Variants in ZBBX observed in about 807,000 individuals in gnomAD.
The protein encoded by ZBBX is zinc finger B-box domain containing, also known as zinc finger B-box domain-containing protein 1.
ZBBX carries 101 observed loss-of-function variants against 108.5 expected under a neutral mutation model. That is an observed-to-expected ratio of 0.93 (90% CI 0.79 to 1.10). ZBBX has a LOEUF of 1.10. Ranked by LOEUF, ZBBX falls within the 50% of genes least tolerant of loss-of-function variation. The pLI is 0.00. For synonymous variants in ZBBX, 356 were observed against 323.4 expected (o/e 1.10, Z -1.08); for missense variants, 1,009 against 941.4 (o/e 1.07, Z -0.94).
chr3:167,315,844 G>T lies in ZBBX; in HGVS notation c.1195-15C>A. On this transcript the variant is annotated splice_polypyrimidine_tract_variant and intron_variant, in intron 14 of 21. Transcript: ENST00000675490. ...TCTTCATAAGTCTTATTAAATTAAT[G>T]TTATATAATATTAGTAAGTTCATAA... 6.7e-7 allele frequency: 1 copy of T among 1,486,108 alleles called. No individual in the cohort carries two copies. Among genetic ancestry groups the T allele is most frequent in the Non-Finnish European group, 9.2e-7 (1 of 1,082,654 alleles). The allele number at this position is 1,486,108 out of a possible 1,614,324, so 92.1% of individuals were successfully genotyped here.
chr3:167,277,833 G>A (rs1727919988), intron 20 of ZBBX, among the ~76,000 whole-genome samples: 1 of 152,048 alleles, frequency 6.6e-6, no homozygotes, highest in Non-Finnish European at 1.5e-5. Context: ...TTCCGAAATT[G>A]ACCACATACT....
intron 8 of ZBBX, among the ~76,000 whole-genome samples, chr3:167,354,048 C>T (rs1020451122): frequency 6.6e-6 from 1 of 151,996 alleles, no homozygotes; most frequent in African/African-American, 2.4e-5. Context: ...TACTAAGCAT[C>T]ATAGCTTAGC....
chr3:167,359,238 A>G (rs1283536679), intron 8 of ZBBX, among the ~76,000 whole-genome samples: 1 of 152,172 alleles, frequency 6.6e-6, no homozygotes, highest in Non-Finnish European at 1.5e-5. Flanking sequence ...AAGAACAGAT[A>G]TCACTAAATC....
At chr3:167,188,261 A>T in the ZBBX span, among the ~76,000 whole-genome samples, 1 of 152,168 alleles carries the variant, frequency 6.6e-6, no homozygotes, top group Non-Finnish European at 1.5e-5. Flanking sequence ...TTCATTGAGT[A>T]TCTACTGCTT....
chr3:167,210,242 T>G, the ZBBX span, among the ~76,000 whole-genome samples: 1 of 152,002 alleles, frequency 6.6e-6, no homozygotes, highest in African/African-American at 2.4e-5. Context: ...ATTATGGAGT[T>G]GAAAAATGCA....
chr3:167,358,400 T>G (rs1486116810), intron 8 of ZBBX, among the ~76,000 whole-genome samples: 1 of 151,934 alleles, frequency 6.6e-6, no homozygotes, highest in Non-Finnish European at 1.5e-5. Flanking sequence ...AGTGATTGTT[T>G]AATGGATACA....
chr3:167,275,784 A>G (rs1465386442), intron 20 of ZBBX, among the ~76,000 whole-genome samples: 9 of 152,230 alleles, frequency 5.9e-5, no homozygotes, highest in Non-Finnish European at 4.4e-5. Flanking sequence ...ACCACAGCTC[A>G]AGAAGGCCTG....
intron 9 of ZBBX, among the ~76,000 whole-genome samples, chr3:167,340,597 G>A (rs931680084): frequency 6.6e-6 from 1 of 151,966 alleles, no homozygotes; most frequent in African/African-American, 2.4e-5. Context: ...TTTATTCCCT[G>A]AAAATAGGCT....
the ZBBX span, among the ~76,000 whole-genome samples, chr3:167,214,306 C>T: frequency 0.041 from 6,244 of 152,154 alleles, 199 homozygotes; most frequent in Non-Finnish European, 0.063. Flanking sequence ...GAAAAATCAA[C>T]CAAGCAAATG....
chr3:167,333,952 C>T lies in ZBBX; in HGVS notation c.562G>A (p.Val188Ile), dbSNP rs762097890. Reference protein sequence around the residue: ...KSQILFNVLDVAHQFIKDVNP... With the variant: ...KSQILFNVLDIAHQFIKDVNP... Reference sequence around the variant, plus strand: ...ACATCCTTTATAAACTGATGGGCAACATCCAATACATTGAATAATATTTGA... The same window carrying T: ...ACATCCTTTATAAACTGATGGGCAATATCCAATACATTGAATAATATTTGA... The change falls in exon 10 of 22, where the codon GTT becomes ATT. Residue 188 changes from valine to isoleucine, a missense_variant. Physicochemically the swap from Val to Ile is conservative, Grantham distance 29 (BLOSUM62 3). Coordinates refer to ENST00000675490, the MANE Select transcript of ZBBX (RefSeq NM_001199201.2). 20 of 1,591,718 alleles carry T rather than the reference C, an allele frequency of 1.3e-5. No homozygotes were observed. In the South Asian group the frequency reaches 1.4e-4, roughly 11 times the overall value.
chr3:167,302,496 C>G (rs1008929986), intron 17 of ZBBX, among the ~76,000 whole-genome samples: 1 of 151,846 alleles, frequency 6.6e-6, no homozygotes, highest in Non-Finnish European at 1.5e-5. Context: ...TTCCTCCCCC[C>G]ACCCCATGTT....
At chr3:167,365,010 C>T (rs1745114029) in intron 6 of ZBBX, among the ~76,000 whole-genome samples, 1 of 151,758 alleles carries the variant, frequency 6.6e-6, no homozygotes, top group African/African-American at 2.4e-5. Flanking sequence ...TTTAATTCAG[C>T]CTCCTTTCAT....
chr3:167,252,140 T>A, intron 20 of ZBBX: 1 of 1,288,914 alleles, frequency 7.8e-7, no homozygotes, highest in Non-Finnish European at 1.0e-6. Flanking sequence ...TGTAGTTATT[T>A]TCTGTCTTAT....
At chr3:167,404,214 T>C (rs1183683309) in intron 1 of ZBBX, among the ~76,000 whole-genome samples, 1 of 152,136 alleles carries the variant, frequency 6.6e-6, no homozygotes, top group Non-Finnish European at 1.5e-5. Context: ...TAAATGGAAT[T>C]CGTTAAAAAA....
At position 167,288,952 on chromosome 3, in the gene ZBBX, T is replaced by G. The variant is rs531908149; in HGVS notation, c.1911A>C (p.Leu637Phe). 5 of 1,542,730 alleles carry G rather than the reference T, an allele frequency of 3.2e-6. No homozygotes were observed. The African/African-American group carries it at 6.8e-5, about 21-fold the overall frequency. Residue 637 changes from leucine to phenylalanine, a missense_variant, in exon 19 of 22, where the codon TTA becomes TTC. Coordinates refer to ENST00000675490, the MANE Select transcript of ZBBX (RefSeq NM_001199201.2). ...CAATTGCATTATCAGCATATTCACT[T>G]AAGCTATGGTCTGGAATCCATTCTC... is the stretch of plus-strand genomic sequence containing the variant. Reference protein sequence around the residue: ...EDREWIPDHSLSEYADNAIVL... With the variant: ...EDREWIPDHSFSEYADNAIVL...
intron 2 of ZBBX, among the ~76,000 whole-genome samples, chr3:167,375,004 T>A (rs1165810337): frequency 6.6e-6 from 1 of 152,178 alleles, no homozygotes; most frequent in Non-Finnish European, 1.5e-5. Context: ...TGAGGCCCAA[T>A]AATGAGTGGC....
chr3:167,242,259 T>A (rs550614690), intron 21 of ZBBX, among the ~76,000 whole-genome samples: 9 of 152,318 alleles, frequency 5.9e-5, no homozygotes, highest in Admixed American at 3.9e-4. Flanking sequence ...TCCAAATATC[T>A]TTTCATTTTT....
chr3:167,214,103 T>C, the ZBBX span, among the ~76,000 whole-genome samples: 1 of 152,074 alleles, frequency 6.6e-6, no homozygotes, highest in African/African-American at 2.4e-5. Flanking sequence ...CACAGACTAG[T>C]GTCACTGTAA....
intron 1 of ZBBX, among the ~76,000 whole-genome samples, chr3:167,389,212 A>G (rs1236400464): frequency 6.6e-6 from 1 of 151,962 alleles, no homozygotes; most frequent in Non-Finnish European, 1.5e-5. Context: ...CCCACTTATG[A>G]GTGAGAACAT....
Sources: gnomAD v4.1 joint callset for allele counts (sites outside exome capture counted in the v4.1 genomes callset) on GRCh38, gnomAD v4.1.1 for gene constraint, MANE v1.5 for transcripts, NCBI Gene and HGNC (gene_info 2026-07-23, HGNC 2026-07-21) for gene names.